Variants in MCM9 observed in about 807,000 individuals in gnomAD.
The protein encoded by MCM9 is DNA helicase MCM9.
MCM9 carries 55 observed loss-of-function variants against 72.8 expected under a neutral mutation model. The observed-to-expected ratio is 0.76, with a 90% CI of 0.61 to 0.95. The LOEUF is 0.95. Ranked by LOEUF, MCM9 falls within the 40% of genes least tolerant of loss-of-function variation. The pLI is 0.00. For missense variants in MCM9, 1,279 were observed against 1,377.0 expected (o/e 0.93, Z 1.13); for synonymous variants, 480 against 503.4 (o/e 0.95, Z 0.62).
Position 118,815,815 on chromosome 6 carries a change from T to C in MCM9, c.2441A>G (p.Asn814Ser), listed in dbSNP as rs1203245107. Reference sequence around the variant, plus strand: ...CCTTTTTTTCTTGTTACTTTCCACATTGTCTGCCCTCCATGGAACACCTGT... The same window carrying C: ...CCTTTTTTTCTTGTTACTTTCCACACTGTCTGCCCTCCATGGAACACCTGT... The part of the protein sequence containing the change: ...GETGVPWRAD[N>S]VESNKKKRLA... Residue 814 changes from asparagine (N) to serine (S), a missense_variant, in exon 14 of 14, where the codon AAT becomes AGT. Asn to Ser is a conservative substitution (Grantham distance 46, BLOSUM62 1). Transcript: ENST00000619706. 2 of 1,539,078 alleles carry C rather than the reference T, an allele frequency of 1.3e-6. No individual in the cohort carries two copies. The highest frequency in any genetic ancestry group is 1.7e-6 in the Non-Finnish European group (2 of 1,147,042).
chr6:118,892,511 A>G (rs1362638742), intron 8 of MCM9, among the ~76,000 whole-genome samples: 2 of 152,216 alleles, frequency 1.3e-5, no homozygotes, highest in East Asian at 3.9e-4. Flanking sequence ...TACCTGTAAT[A>G]ATCAGACAAC....
intron 8 of MCM9, among the ~76,000 whole-genome samples, chr6:118,879,751 TAGAA>T (rs546069205): frequency 1.5e-3 from 223 of 151,062 alleles, no homozygotes; most frequent in Non-Finnish European, 2.4e-3. Context: ...AAAAAACTAA[TAGAA>T]AGACTAGGCG....
At chr6:118,847,556 G>A (rs1448954009) in intron 9 of MCM9, among the ~76,000 whole-genome samples, 1 of 151,236 alleles carries the variant, frequency 6.6e-6, no homozygotes, top group East Asian at 1.9e-4. Context: ...AAATACAGAT[G>A]AGCTAAGAAG....
intron 9 of MCM9, among the ~76,000 whole-genome samples, chr6:118,839,094 C>CT (rs1775174636): frequency 6.6e-6 from 1 of 152,018 alleles, no homozygotes; most frequent in Admixed American, 6.6e-5. Flanking sequence ...TCATATAGTC[C>CT]CATATTTCTT....
At chr6:118,928,617 G>A (rs1300034281) in intron 3 of MCM9, among the ~76,000 whole-genome samples, 1 of 151,632 alleles carries the variant, frequency 6.6e-6, no homozygotes, top group African/African-American at 2.4e-5. Context: ...GGAGGCTGAA[G>A]CAGAAGGATC....
At position 118,820,338 on chromosome 6, in the gene MCM9, T is replaced by C. The variant is rs191110936; in HGVS notation, c.1962-4044A>G. Among the ~76,000 whole-genome samples, 206 of 152,352 alleles carry C rather than the reference T, an allele frequency of 1.4e-3. 3 individuals carry two copies. The highest frequency in any genetic ancestry group is 9.6e-3 in the East Asian group (50 of 5,184). ...TATGTTTTGTCTTTGTTTTCATTGG[T>C]TTCAAAGAACTTATTTATTTCTGCC... is the stretch of plus-strand genomic sequence containing the variant. On this transcript the variant is annotated intron_variant, in intron 13 of 13. Coordinates refer to ENST00000619706, the MANE Select transcript of MCM9 (RefSeq NM_017696.3).
At chr6:118,906,142 G>T (rs138937308) in intron 8 of MCM9, among the ~76,000 whole-genome samples, 2 of 152,146 alleles carry the variant, frequency 1.3e-5, no homozygotes, top group African/African-American at 4.8e-5. Context: ...GCATGATCTC[G>T]GCTCACTGCA....
chr6:118,827,402 A>G (rs1774234029), intron 11 of MCM9, among the ~76,000 whole-genome samples: 1 of 152,014 alleles, frequency 6.6e-6, no homozygotes, highest in African/African-American at 2.4e-5. Context: ...CTTTTTTTAG[A>G]TTTAAACAAA....
intron 3 of MCM9, among the ~76,000 whole-genome samples, chr6:118,929,528 T>A (rs1286773324): frequency 6.6e-6 from 1 of 152,188 alleles, no homozygotes; most frequent in African/African-American, 2.4e-5. Context: ...CACCTGAAAC[T>A]GATAGGGTCA....
intron 8 of MCM9, chr6:118,901,055 C>G: frequency 3.6e-6 from 2 of 548,336 alleles, no homozygotes; most frequent in Non-Finnish European, 6.5e-6. Context: ...CAGAGGAACT[C>G]TTACTTCCTG....
chr6:118,830,939 T>C (rs1266167360), intron 9 of MCM9, among the ~76,000 whole-genome samples: 2 of 152,174 alleles, frequency 1.3e-5, no homozygotes, highest in Admixed American at 6.5e-5. Context: ...GGTGTCAGTA[T>C]CAGCATTAGT....
At chr6:118,877,216 C>A (rs1188993723) in intron 8 of MCM9, among the ~76,000 whole-genome samples, 1 of 152,126 alleles carries the variant, frequency 6.6e-6, no homozygotes, top group African/African-American at 2.4e-5. Context: ...GATCCTCCAG[C>A]CCCCAGTTGA....
chr6:118,861,176 C>T (rs1299820087), intron 8 of MCM9, among the ~76,000 whole-genome samples: 1 of 152,168 alleles, frequency 6.6e-6, no homozygotes, highest in Admixed American at 6.5e-5. Context: ...TGCAGCTGGA[C>T]CAGACGTACC....
intron 7 of MCM9, chr6:118,912,011 T>C (rs1388600875): frequency 3.5e-6 from 1 of 288,494 alleles, no homozygotes; most frequent in East Asian, 6.2e-5. Context: ...TTCAGGCCTA[T>C]GTTTAACATT....
At chr6:118,850,679 C>T (rs1447644656) in intron 9 of MCM9, among the ~76,000 whole-genome samples, 3 of 151,758 alleles carry the variant, frequency 2.0e-5, no homozygotes, top group Non-Finnish European at 2.9e-5. Context: ...GCAACGGTGG[C>T]AGTTTAAAGT....
chr6:118,853,024 C>T (rs530978394), intron 9 of MCM9, among the ~76,000 whole-genome samples: 1 of 152,258 alleles, frequency 6.6e-6, no homozygotes, highest in African/African-American at 2.4e-5. Context: ...ATGGGTCCAT[C>T]AAGATTTACC....
intron 9 of MCM9, among the ~76,000 whole-genome samples, chr6:118,850,063 A>G (rs1776123748): frequency 6.6e-6 from 1 of 151,984 alleles, no homozygotes; most frequent in Non-Finnish European, 1.5e-5. Flanking sequence ...TTAAATAAAA[A>G]AGGTAAAAAC....
intron 3 of MCM9, among the ~76,000 whole-genome samples, chr6:118,930,606 G>A (rs1782340466): frequency 6.6e-6 from 1 of 152,122 alleles, no homozygotes; most frequent in African/African-American, 2.4e-5. Context: ...GGTTGACAGG[G>A]ACTCTAGAAG....
chr6:118,839,740 T>C (rs1471125577), intron 9 of MCM9, among the ~76,000 whole-genome samples: 1 of 152,200 alleles, frequency 6.6e-6, no homozygotes. Flanking sequence ...TGCCTGGGTA[T>C]CACCAGCAGA....
Sources: gnomAD v4.1 joint callset for allele counts (sites outside exome capture counted in the v4.1 genomes callset) on GRCh38, gnomAD v4.1.1 for gene constraint, MANE v1.5 for transcripts, NCBI Gene and HGNC (gene_info 2026-07-23, HGNC 2026-07-21) for gene names.